The following PTPRD variants were observed in gnomAD, a reference collection of about 807,000 sequenced individuals.
The protein encoded by PTPRD is receptor-type tyrosine-protein phosphatase delta.
A neutral mutation model predicts 214.5 loss-of-function variants in PTPRD; 34 were observed. That is an observed-to-expected ratio of 0.16 (90% CI 0.12 to 0.21). PTPRD has a LOEUF of 0.21. Ranked by LOEUF, PTPRD falls within the 10% of genes least tolerant of loss-of-function variation. The pLI, the probability that PTPRD is intolerant of heterozygous loss-of-function variation, is 1.00. For synonymous variants in PTPRD, 1,128 were observed against 845.7 expected, an observed-to-expected ratio of 1.33 and a Z score of -5.79; for missense variants, 2,545 against 2,398.7, an observed-to-expected ratio of 1.06 and a Z score of -1.27.
intron 7 of PTPRD, among the ~76,000 whole-genome samples, chr9:9,668,534 C>T (rs766100493): frequency 3.9e-5 from 6 of 151,970 alleles, no homozygotes; most frequent in Admixed American, 1.3e-4. Flanking sequence ...TTTTGATTGG[C>T]CATTTTTTTT....
intron 11 of PTPRD, among the ~76,000 whole-genome samples, chr9:8,788,501 C>T (rs2096088460): frequency 6.6e-6 from 1 of 151,792 alleles, no homozygotes; most frequent in African/African-American, 2.4e-5. Flanking sequence ...TCTCAAACTC[C>T]CGACCTCAGA....
intron 3 of PTPRD, among the ~76,000 whole-genome samples, chr9:10,224,569 C>T (rs2099582544): frequency 6.6e-6 from 1 of 151,952 alleles, no homozygotes; most frequent in African/African-American, 2.4e-5. Flanking sequence ...CATGCCTATC[C>T]TTTTGTGATA....
At chr9:9,186,460 A>T (rs927507084) in intron 9 of PTPRD, among the ~76,000 whole-genome samples, 1 of 152,046 alleles carries the variant, frequency 6.6e-6, no homozygotes, top group African/African-American at 2.4e-5. Context: ...AAATACAGAA[A>T]GCTAGCTGGG....
Position 10,132,217 on chromosome 9 carries a change from G to A in PTPRD, c.-544-98427C>T, listed in dbSNP as rs892919674. The stretch of plus-strand genomic sequence containing the variant: ...CTGTACACAGAAAAATGAAAATGAT[G>A]TGAGACTTTCCAGAAATTATAAGTT... On this transcript the variant is annotated intron_variant, in intron 3 of 45. Coordinates refer to ENST00000381196, the MANE Select transcript of PTPRD (RefSeq NM_002839.4). Among the ~76,000 whole-genome samples, 5 of 152,006 alleles carry A rather than the reference G, an allele frequency of 3.3e-5. No individual in the cohort carries two copies. In the South Asian group the frequency reaches 6.2e-4, roughly 19 times the overall value.
chr9:8,430,191 G>A (rs2094946902), intron 35 of PTPRD, among the ~76,000 whole-genome samples: 2 of 152,106 alleles, frequency 1.3e-5, no homozygotes, highest in South Asian at 4.1e-4. Flanking sequence ...GGACCACATT[G>A]GGAACTAGTT....
Position 8,404,649 on chromosome 9 carries a change from A to T in PTPRD, c.4098T>A (p.Pro1366=). The change falls in exon 36 of 46, where the codon CCT becomes CCA. Residue 1366 remains proline, a synonymous_variant. Coordinates refer to ENST00000381196, the MANE Select transcript of PTPRD (RefSeq NM_002839.4). Reference sequence around the variant, plus strand: ...AATGTTCCCAAGTGAACTGCTGGCCAGGGTCAATTGACTTTAAAAGGAAAA... The same window carrying T: ...AATGTTCCCAAGTGAACTGCTGGCCTGGGTCAATTGACTTTAAAAGGAAAA... ...KFSQEYESID[P]GQQFTWEHSN... 1 of 1,610,668 alleles carries T rather than the reference A, an allele frequency of 6.2e-7. No homozygotes were observed. The highest frequency in any genetic ancestry group is 1.7e-4 in the Middle Eastern group (1 of 6,044).
chr9:10,286,386 G>C (rs1268441991), intron 3 of PTPRD, among the ~76,000 whole-genome samples: 1 of 151,992 alleles, frequency 6.6e-6, no homozygotes, highest in Non-Finnish European at 1.5e-5. Context: ...AGATTGCAGT[G>C]AGCCATAATT....
intron 11 of PTPRD, among the ~76,000 whole-genome samples, chr9:8,833,452 G>A (rs1601328925): frequency 6.6e-6 from 1 of 151,916 alleles, no homozygotes; most frequent in African/African-American, 2.4e-5. Context: ...CATCGCTTTA[G>A]TAGATGTTAC....
rs375979500 is a variant in PTPRD at position 8,893,405 on chromosome 9, T to C, written c.-104+125292A>G. Reference sequence around the variant, plus strand: ...CTGAGTGTGGAAAACAAAAGGCTTGTAGAGAAACAGAAAGCGAAGTGACCA... The same window carrying C: ...CTGAGTGTGGAAAACAAAAGGCTTGCAGAGAAACAGAAAGCGAAGTGACCA... On this transcript the variant is annotated intron_variant, in intron 11 of 45. Coordinates refer to ENST00000381196, the MANE Select transcript of PTPRD (RefSeq NM_002839.4). Among the ~76,000 whole-genome samples the C allele has an allele frequency of 3.7e-4, 57 of 152,192 alleles. No individual in the cohort carries two copies. The South Asian group carries it at 0.012, about 32-fold the overall frequency.
intron 3 of PTPRD, among the ~76,000 whole-genome samples, chr9:10,193,338 G>C (rs1162072271): frequency 6.6e-6 from 1 of 151,932 alleles, no homozygotes; most frequent in Non-Finnish European, 1.5e-5. Flanking sequence ...ATCCCACCTA[G>C]ACTGTGTTTA....
chr9:8,975,097 CAA>C (rs35644783), intron 11 of PTPRD, among the ~76,000 whole-genome samples: 92 of 116,390 alleles, frequency 7.9e-4, no homozygotes, highest in Admixed American at 1.7e-3. Context: ...AACTCTGTCT[CAA>C]AAAAAAAAAA....
Position 9,920,868 on chromosome 9 carries a change from C to G in PTPRD, c.-368+17639G>C, listed in dbSNP as rs1000087917. The stretch of plus-strand genomic sequence containing the variant: ...TCCGGCTTCCATCTATCATGGGAGC[C>G]TATAACGCAGGATGAACGAAGAAGG... On this transcript the variant is annotated intron_variant, in intron 5 of 45. Transcript: ENST00000381196. Among the ~76,000 whole-genome samples the G allele has an allele frequency of 2.0e-5, 3 of 152,060 alleles. No homozygotes were observed. In the East Asian group the frequency reaches 5.8e-4, roughly 29 times the overall value.
chr9:8,763,953 G>A (rs2094555905), intron 11 of PTPRD, among the ~76,000 whole-genome samples: 1 of 152,124 alleles, frequency 6.6e-6, no homozygotes, highest in African/African-American at 2.4e-5. Context: ...TTTATTTTCA[G>A]AAAATTAATG....
chr9:10,100,801 C>T lies in PTPRD; in HGVS notation c.-544-67011G>A, dbSNP rs981051393. On this transcript the variant is annotated intron_variant, in intron 3 of 45. Coordinates refer to ENST00000381196, the MANE Select transcript of PTPRD (RefSeq NM_002839.4). ...ACCTATTGATCCTATAAGCTGGGGA[C>T]GATCCTCCTTGTTTTGTAGAAGAGA... Among the ~76,000 whole-genome samples the T allele has an allele frequency of 5.2e-4, 79 of 151,452 alleles. 1 individual carries two copies. The highest frequency in any genetic ancestry group is 4.9e-3 in the Admixed American group (74 of 15,136).
At chr9:8,324,476 G>A (rs766420925) in intron 44 of PTPRD, among the ~76,000 whole-genome samples, 62 of 152,080 alleles carry the variant, frequency 4.1e-4, no homozygotes, top group East Asian at 1.5e-3. Flanking sequence ...TATATGTGCC[G>A]CATTTTCTTT....
chr9:8,545,599 C>A (rs1437432717), intron 14 of PTPRD, among the ~76,000 whole-genome samples: 1 of 152,186 alleles, frequency 6.6e-6, no homozygotes, highest in African/African-American at 2.4e-5. Flanking sequence ...AACTGTTTTA[C>A]AGTCAAAGTC....
intron 3 of PTPRD, among the ~76,000 whole-genome samples, chr9:10,287,964 A>G (rs2095414191): frequency 6.6e-6 from 1 of 152,064 alleles, no homozygotes; most frequent in Non-Finnish European, 1.5e-5. Context: ...TGCATGATTT[A>G]TGTTTTAAGA....
At chr9:10,208,256 C>T (rs2057474) in intron 3 of PTPRD, among the ~76,000 whole-genome samples, 97,396 of 151,682 alleles carry the variant, frequency 0.64, 32,788 homozygotes, top group Admixed American at 0.75. Flanking sequence ...GGCTCAGGCC[C>T]GTAATCCCAG....
rs2135765735 is a variant in PTPRD, at chr9:8,484,194, G to A, written c.3338C>T (p.Ala1113Val). ...ATCCAAGTTGGTCTTCCCAATGAAG[G>A]CAGGCTTGGTACGTAATACATCTGG... ...TAPDVLRTKP[A>V]FIGKTNLDGM... Residue 1113 changes from alanine to valine, a missense_variant, in exon 30 of 46, where the codon GCC becomes GTC. Coordinates refer to ENST00000381196, the MANE Select transcript of PTPRD (RefSeq NM_002839.4). The A allele has an allele frequency of 3.1e-6, 5 of 1,614,168 alleles. 1 individual carries two copies. The highest frequency in any genetic ancestry group is 2.2e-5 in the South Asian group (2 of 91,078).
Sources: gnomAD v4.1 joint callset for allele counts (sites outside exome capture counted in the v4.1 genomes callset) on GRCh38, gnomAD v4.1.1 for gene constraint, MANE v1.5 for transcripts, NCBI Gene and HGNC (gene_info 2026-07-23, HGNC 2026-07-21) for gene names.